The following MAGED1 variants were observed in gnomAD, a reference collection of about 807,000 sequenced individuals.
MAGED1 encodes the protein MAGE family member D1, also known as melanoma-associated antigen D1.
Under a neutral mutation model 54.1 loss-of-function variants are expected in MAGED1, and 3 were observed. The observed-to-expected ratio is 0.06, with a 90% confidence interval of 0.03 to 0.14. The LOEUF is 0.14. MAGED1 is among the 10% of genes least tolerant of loss of function. The probability of loss-of-function intolerance (pLI) is 1.00; values close to 1 mark genes in which losing one functional copy is unlikely to be tolerated. For synonymous variants in MAGED1, 217 were observed against 227.3 expected (o/e 0.95, Z 0.41); for missense variants, 485 against 623.4 (o/e 0.78, Z 2.36).
chrX:51,815,664 G>C (rs1487324808), intron 1 of MAGED1, among the ~76,000 whole-genome samples: 1 of 109,226 alleles, frequency 9.2e-6, no homozygotes, highest in Non-Finnish European at 1.9e-5. Context: ...TGGGATTTTA[G>C]GCGTGTGCCA....
Position 51,896,975 on chromosome X carries a change from GAACCTGCGCCCCTCGCCT to G in MAGED1, c.1332_1349del (p.Leu448_Asn453del), listed in dbSNP as rs1260738032. The G allele has an allele frequency of 1.7e-6, 2 of 1,210,860 alleles. No individual in the cohort carries two copies. The highest frequency in any genetic ancestry group is 3.0e-5 in the East Asian group (1 of 33,788). Reference sequence around the variant, plus strand: ...ATTGGCCAATTCCACCTGACTGGCAGAACCTGCGCCCCTCGCCTAACCTGCGCCCTTCTCCCAACTCGC... The same window carrying G: ...ATTGGCCAATTCCACCTGACTGGCAGAACCTGCGCCCTTCTCCCAACTCGC... On this transcript the variant is annotated inframe_deletion, in exon 4 of 13. Coordinates refer to ENST00000326587, the MANE Select transcript of MAGED1 (RefSeq NM_006986.4).
intron 1 of MAGED1, among the ~76,000 whole-genome samples, chrX:51,841,264 C>G (rs1416395297): frequency 9.0e-6 from 1 of 110,740 alleles, no homozygotes; most frequent in African/African-American, 3.3e-5. Flanking sequence ...TATCCTTCGC[C>G]CACTTTTTGA....
chrX:51,869,928 G>T (rs1277844059), intron 1 of MAGED1, among the ~76,000 whole-genome samples: 9 of 111,327 alleles, frequency 8.1e-5, no homozygotes, highest in Admixed American at 6.7e-4. Flanking sequence ...CTGGGGTGCA[G>T]TGGTGCTATC....
At chrX:51,881,941 C>T (rs1557362528) in intron 1 of MAGED1, among the ~76,000 whole-genome samples, 2 of 110,117 alleles carry the variant, frequency 1.8e-5, no homozygotes, top group African/African-American at 6.6e-5. Flanking sequence ...TCCCATCTAA[C>T]AAGATAGTGG....
intron 1 of MAGED1, among the ~76,000 whole-genome samples, chrX:51,854,930 A>G (rs782541646): frequency 1.1e-4 from 12 of 111,618 alleles, no homozygotes; most frequent in African/African-American, 3.6e-4. Flanking sequence ...CTAGTTCTAC[A>G]CAGTCAACAC....
intron 1 of MAGED1, among the ~76,000 whole-genome samples, chrX:51,887,910 G>A (rs1016287283): frequency 1.8e-5 from 2 of 109,676 alleles, no homozygotes; most frequent in Non-Finnish European, 3.8e-5. Context: ...CTGCAATCTG[G>A]GAGAAAGTAT....
chrX:51,819,985 G>T (rs1925564380), intron 1 of MAGED1, among the ~76,000 whole-genome samples: 1 of 111,818 alleles, frequency 8.9e-6, no homozygotes, highest in Non-Finnish European at 1.9e-5. Context: ...TGTGGTGTGA[G>T]ATAGGGGTCC....
intron 1 of MAGED1, among the ~76,000 whole-genome samples, chrX:51,813,237 G>A (rs1338574517): frequency 4.6e-5 from 5 of 109,378 alleles, no homozygotes; most frequent in Non-Finnish European, 9.5e-5. Context: ...TGGTCAGGCT[G>A]GTCTCGAACT....
chrX:51,834,705 C>T lies in MAGED1; in HGVS notation c.-37+31588C>T. ...CTTGTTAGTGTTGCAAATATCTGCTCTCAGTCCGTAGTTAGTCTTTTTACC... is the reference window on the plus strand; with the variant it reads ...CTTGTTAGTGTTGCAAATATCTGCTTTCAGTCCGTAGTTAGTCTTTTTACC... On this transcript the variant is annotated intron_variant, in intron 1 of 12. Transcript: ENST00000375772. Among the ~76,000 whole-genome samples the T allele has an allele frequency of 1.8e-5, 2 of 111,263 alleles. 1 individual carries two copies. Among genetic ancestry groups the T allele is most frequent in the Middle Eastern group, 9.2e-3 (2 of 217 alleles).
rs782082911 is a variant in MAGED1 at position 51,853,076 on chromosome X, G to A, written c.-36-41193G>A. On this transcript the variant is annotated intron_variant, in intron 1 of 12. Coordinates refer to the MAGED1 transcript ENST00000375772. ...CTTCCTGCTGAGCTCAGATAATTTCGTCTTACCTGTCTTTAAATTTAAATT... is the reference window on the plus strand; with the variant it reads ...CTTCCTGCTGAGCTCAGATAATTTCATCTTACCTGTCTTTAAATTTAAATT... 3.6e-4 allele frequency among the ~76,000 whole-genome samples: 40 copies of A among 110,496 alleles called. No individual in the cohort carries two copies. In the South Asian group the frequency reaches 0.013, roughly 37 times the overall value.
chrX:51,831,771 T>C (rs1329088448), intron 1 of MAGED1, among the ~76,000 whole-genome samples: 11 of 111,625 alleles, frequency 9.9e-5, no homozygotes, highest in Non-Finnish European at 2.1e-4. Flanking sequence ...AAAAGATAAA[T>C]GGACATCCTC....
chrX:51,856,062 T>A (rs1025645114), intron 1 of MAGED1, among the ~76,000 whole-genome samples: 1 of 112,487 alleles, frequency 8.9e-6, no homozygotes, highest in African/African-American at 3.2e-5. Flanking sequence ...AAAAGTTATC[T>A]TTTAAGAATT....
intron 1 of MAGED1, among the ~76,000 whole-genome samples, chrX:51,824,862 CTGTGTGTGTG>C (rs58934297): frequency 9.6e-5 from 7 of 72,651 alleles, no homozygotes; most frequent in South Asian, 1.4e-3. Context: ...TCTCAGAAAC[CTGTGTGTGTG>C]TGTGTGTGTG....
At chrX:51,895,798 T>C (rs1928725293) in intron 3 of MAGED1, 38 bp downstream of exon 3, 1 of 1,013,678 alleles carries the variant, frequency 9.9e-7, no homozygotes, top group South Asian at 2.3e-5. Flanking sequence ...TTTGGGGCTG[T>C]CTCCTTTCTT....
In MAGED1 at chrX:51,885,891, A is replaced by C. The variant is rs142634247; in HGVS notation, c.-36-8378A>C. Among the ~76,000 whole-genome samples, 762 of 110,661 alleles carry C rather than the reference A, an allele frequency of 6.9e-3. 4 individuals are homozygous for C. Among genetic ancestry groups the C allele is most frequent in the Admixed American group, 0.015 (159 of 10,333 alleles). On this transcript the variant is annotated intron_variant, in intron 1 of 12. Coordinates refer to the MAGED1 transcript ENST00000375772. ...AATCAACCTAAGGGTCCATCAGTGG[A>C]TGAATGGATAAAGAAAATATGGTAT...
intron 1 of MAGED1, among the ~76,000 whole-genome samples, chrX:51,873,549 G>C (rs930452838): frequency 2.8e-5 from 3 of 106,891 alleles, no homozygotes; most frequent in Admixed American, 1.0e-4. Context: ...GAGAGAGAGA[G>C]AGAGAGAGAG....
At chrX:51,828,401 A>G (rs933865138) in intron 1 of MAGED1, among the ~76,000 whole-genome samples, 2 of 111,117 alleles carry the variant, frequency 1.8e-5, no homozygotes, top group African/African-American at 6.5e-5. Context: ...AAAGTTTTAT[A>G]TTACTTATAT....
intron 1 of MAGED1, among the ~76,000 whole-genome samples, chrX:51,850,003 G>A (rs1394458626): frequency 9.0e-6 from 1 of 110,567 alleles, no homozygotes; most frequent in African/African-American, 3.3e-5. Context: ...CATGATCTCG[G>A]CTCACTGCAA....
At chrX:51,896,212 T>A (rs1477160616) in intron 3 of MAGED1, 197 bp from the exon 4 acceptor site, 1 of 438,463 alleles carries the variant, frequency 2.3e-6, no homozygotes, top group African/African-American at 2.5e-5. Flanking sequence ...GGCCCCATCT[T>A]TGGGTTGCTC....
Sources: allele counts gnomAD v4.1 joint callset (sites outside exome capture counted in the v4.1 genomes callset), GRCh38; gene constraint gnomAD v4.1.1; transcripts MANE v1.5; gene names NCBI Gene and HGNC (gene_info 2026-07-23, HGNC 2026-07-21).